The following CEP120 variants were observed in gnomAD, a reference collection of about 807,000 sequenced individuals.
CEP120 encodes centrosomal protein 120.
CEP120 carries 113 observed loss-of-function variants against 126.5 expected under a neutral mutation model. The ratio of observed to expected loss-of-function variants is 0.89; its 90% CI spans 0.77 to 1.04. The LOEUF (loss-of-function observed/expected upper bound fraction) is 1.04, where lower values mean the gene tolerates loss of function less well. CEP120 is among the 50% of genes least tolerant of loss of function. The pLI, the probability that CEP120 is intolerant of heterozygous loss-of-function variation, is 0.00. For synonymous variants in CEP120, 400 were observed against 394.3 expected (o/e 1.01, Z -0.17); for missense variants, 1,230 against 1,155.7 (o/e 1.06, Z -0.93).
intron 18 of CEP120, among the ~76,000 whole-genome samples, chr5:123,360,589 G>T (rs1770000721): frequency 6.6e-6 from 1 of 150,740 alleles, no homozygotes. Context: ...AAAGGTATCT[G>T]AATGTTTGTG....
At position 123,365,840 on chromosome 5, in the gene CEP120, T is replaced by C. The variant is rs1770419160; in HGVS notation, c.2482-1246A>G. 2.0e-5 allele frequency among the ~76,000 whole-genome samples: 3 copies of C among 151,422 alleles called. No homozygotes were observed. In the South Asian group the frequency reaches 6.3e-4, roughly 32 times the overall value. ...TCAATTATACAAGCAATCATGTCCA[T>C]GGGTCTTGGAGAGAAGGTCTAGTAT... On this transcript the variant is annotated intron_variant, in intron 17 of 19. Transcript: ENST00000306467.
intron 19 of CEP120, among the ~76,000 whole-genome samples, chr5:123,348,598 A>G (rs1768990832): frequency 1.3e-5 from 2 of 152,350 alleles, no homozygotes; most frequent in South Asian, 4.1e-4. Flanking sequence ...TATTTAATTC[A>G]GCTAGGAACC....
At chr5:123,405,718 G>A (rs1409389000) in intron 4 of CEP120, among the ~76,000 whole-genome samples, 1 of 151,952 alleles carries the variant, frequency 6.6e-6, no homozygotes, top group African/African-American at 2.4e-5. Flanking sequence ...TCCCCTTCCT[G>A]ACTCCTGACC....
At chr5:123,392,685 T>C (rs1238813565) in intron 6 of CEP120, among the ~76,000 whole-genome samples, 3 of 152,168 alleles carry the variant, frequency 2.0e-5, no homozygotes, top group Non-Finnish European at 2.9e-5. Flanking sequence ...TAATTTTTTA[T>C]TTTTTGTAGA....
In CEP120 at chr5:123,362,564, T is replaced by C. The variant is rs190561474; in HGVS notation, c.2580+1932A>G. Among the ~76,000 whole-genome samples, 25 of 151,898 alleles carry C rather than the reference T, an allele frequency of 1.6e-4. No homozygotes were observed. The East Asian group carries it at 4.3e-3, about 26-fold the overall frequency. ...AATAAAATGGGAATATTACCTGCTA[T>C]GTAGGGATCTTTGTCAGGATTAAAT... On this transcript the variant is annotated intron_variant, in intron 18 of 19. Transcript: ENST00000306467.
intron 4 of CEP120, chr5:123,403,694 C>G (rs1773438261): frequency 2.4e-6 from 1 of 418,814 alleles, no homozygotes; most frequent in Non-Finnish European, 4.7e-6. Context: ...TGTGCACCAC[C>G]TGATAAGATG....
At chr5:123,362,030 T>G (rs1770116490) in intron 18 of CEP120, among the ~76,000 whole-genome samples, 1 of 151,798 alleles carries the variant, frequency 6.6e-6, no homozygotes, top group South Asian at 2.1e-4. Flanking sequence ...TCTTGTTACC[T>G]TTCTACTATT....
intron 18 of CEP120, among the ~76,000 whole-genome samples, chr5:123,351,247 AC>A (rs1769179313): frequency 6.6e-6 from 1 of 152,152 alleles, no homozygotes; most frequent in African/African-American, 2.4e-5. Context: ...AATTTTAAAA[AC>A]AAAAATAAGT....
chr5:123,361,325 C>A (rs1266770251), intron 18 of CEP120, among the ~76,000 whole-genome samples: 1 of 151,800 alleles, frequency 6.6e-6, no homozygotes, highest in African/African-American at 2.4e-5. Context: ...TACTTGCTGA[C>A]TTCATTTACA....
Position 123,346,488 on chromosome 5 carries a change from T to TA in CEP120, c.*30dup, listed in dbSNP as rs773430262. On this transcript the variant is annotated 3_prime_UTR_variant, in exon 20 of 20. Transcript: ENST00000306467. ...TTACAAAGAAATTAAAATTTAGACT[T>TA]AGAGTCTCTATAAAGCTTTTCCAAA... 14 of 1,462,308 alleles carry TA rather than the reference T, an allele frequency of 9.6e-6. No homozygotes were observed. The Admixed American group carries it at 1.8e-4, about 18-fold the overall frequency. 90.6% of individuals were successfully genotyped at this position (1,462,308 alleles called of 1,614,324 possible). A position where few individuals can be genotyped will look rare whatever the true frequency, so the allele number is the denominator to read the frequency against.
At chr5:123,383,955 A>T (rs1367618260) in intron 11 of CEP120, among the ~76,000 whole-genome samples, 1 of 152,130 alleles carries the variant, frequency 6.6e-6, no homozygotes, top group African/African-American at 2.4e-5. Flanking sequence ...TTCTTCTTCT[A>T]ATCTCACAGA....
At chr5:123,366,242 T>C (rs943187444) in intron 17 of CEP120, among the ~76,000 whole-genome samples, 4 of 151,766 alleles carry the variant, frequency 2.6e-5, no homozygotes, top group South Asian at 4.1e-4. Flanking sequence ...AACTAAAATT[T>C]TGATATAATT....
Position 123,346,081 on chromosome 5 carries a change from A to C in CEP120, c.*438T>G, listed in dbSNP as rs1326464396. On this transcript the variant is annotated 3_prime_UTR_variant, in exon 20 of 20. Coordinates refer to ENST00000306467, the MANE Select transcript of CEP120 (RefSeq NM_001375405.1). ...AAAAAAGGTCATCTAAAATGAGTTA[A>C]ACTGGTTACAATTGGTCTCAACTTT... The C allele has an allele frequency of 6.4e-6, 1 of 155,068 alleles. No homozygotes were observed. Among genetic ancestry groups the C allele is most frequent in the Non-Finnish European group, 1.4e-5 (1 of 69,726 alleles). 9.6% of individuals were successfully genotyped at this position (155,068 alleles called of 1,614,324 possible).
intron 5 of CEP120, among the ~76,000 whole-genome samples, chr5:123,397,030 G>T (rs1350521230): frequency 6.6e-6 from 1 of 152,112 alleles, no homozygotes; most frequent in Non-Finnish European, 1.5e-5. Context: ...TTAAAACAGT[G>T]ATTTTAAATT....
In CEP120 at chr5:123,399,128, A is replaced by C. The variant is rs1773000800; in HGVS notation, c.612+8T>G. 1 of 1,574,624 alleles carries C rather than the reference A, an allele frequency of 6.4e-7. No homozygotes were observed. The highest frequency in any genetic ancestry group is 1.3e-5 in the African/African-American group (1 of 74,378). ...TTCGTAAGTCACCAATCTCATGAAAAGTCTCACCTGTTCCAACTGGGTAGC... is the reference window on the plus strand; with the variant it reads ...TTCGTAAGTCACCAATCTCATGAAACGTCTCACCTGTTCCAACTGGGTAGC... On this transcript the variant is annotated splice_region_variant and intron_variant, in intron 5 of 19. Coordinates refer to ENST00000306467, the MANE Select transcript of CEP120 (RefSeq NM_001375405.1).
chr5:123,359,022 C>G (rs1580640409), intron 18 of CEP120, among the ~76,000 whole-genome samples: 1 of 152,068 alleles, frequency 6.6e-6, no homozygotes, highest in East Asian at 1.9e-4. Context: ...CAGTTTTTAA[C>G]CAAGACTTGG....
intron 4 of CEP120, among the ~76,000 whole-genome samples, chr5:123,404,102 C>A (rs1037039291): frequency 6.6e-6 from 1 of 152,186 alleles, no homozygotes; most frequent in African/African-American, 2.4e-5. Context: ...ATAAATACTC[C>A]AAATATTCAG....
intron 19 of CEP120, among the ~76,000 whole-genome samples, chr5:123,347,033 T>C (rs1209119746): frequency 1.3e-5 from 2 of 152,300 alleles, no homozygotes; most frequent in South Asian, 2.1e-4. Context: ...TTTGGAGCTG[T>C]GTAAAGACAA....
At chr5:123,352,328 G>T (rs751062590) in intron 18 of CEP120, among the ~76,000 whole-genome samples, 18 of 151,922 alleles carry the variant, frequency 1.2e-4, no homozygotes, top group Non-Finnish European at 2.5e-4. Flanking sequence ...GGTTAACCGT[G>T]CTCTTTCCTA....
Sources: gnomAD v4.1 joint callset for allele counts (sites outside exome capture counted in the v4.1 genomes callset) on GRCh38, gnomAD v4.1.1 for gene constraint, MANE v1.5 for transcripts, NCBI Gene and HGNC (gene_info 2026-07-23, HGNC 2026-07-21) for gene names.